The following VPS13C variants were observed in gnomAD, a reference collection of about 807,000 sequenced individuals.
VPS13C encodes the protein intermembrane lipid transfer protein VPS13C.
VPS13C carries 358 observed loss-of-function variants against 456.8 expected under a neutral mutation model. That is an observed-to-expected ratio of 0.78 (90% CI 0.72 to 0.86). The LOEUF is 0.86. VPS13C is among the 40% of genes least tolerant of loss of function. The probability of loss-of-function intolerance (pLI) is 0.00; values close to 1 mark genes in which losing one functional copy is unlikely to be tolerated. For missense variants in VPS13C, 4,818 were observed against 4,385.4 expected, an observed-to-expected ratio of 1.10 and a Z score of -2.79; for synonymous variants, 1,578 against 1,486.7, an observed-to-expected ratio of 1.06 and a Z score of -1.41.
chr15:61,877,033 T>A lies in VPS13C; in HGVS notation c.10164A>T (p.Arg3388=), dbSNP rs149307561. ...GCTGATCTCTCTTGTAGAACTGATA[T>A]CGAATTTCATAATAAGCAAGTCTGG... ...LIFKLAYYEI[R]YQFYKRDQLI... Residue 3388 remains arginine (R), a synonymous_variant, in exon 75 of 85, where the codon CGA becomes CGT. Transcript: ENST00000644861. 6.2e-7 allele frequency: 1 copy of A among 1,608,782 alleles called. No homozygotes were observed. Among genetic ancestry groups the A allele is most frequent in the Non-Finnish European group, 8.5e-7 (1 of 1,177,148 alleles).
Position 61,983,991 on chromosome 15 carries a change from G to A in VPS13C, c.1743C>T (p.His581=). The change falls in exon 20 of 85, where the codon CAC becomes CAT. Residue 581 remains histidine, a synonymous_variant. Coordinates refer to ENST00000644861, the MANE Select transcript of VPS13C (RefSeq NM_020821.3). ...GCTGTCTCAAACCTGTTATATACCA[G>A]TGTTCTAATTTCGCTTCTACCCTAT... is the stretch of plus-strand genomic sequence containing the variant. ...QALKVEAKLE[H]WYITGLRQQD... is the part of the protein sequence containing the mutation. 6.2e-7 allele frequency: 1 copy of A among 1,613,694 alleles called. No homozygotes were observed. The highest frequency in any genetic ancestry group is 8.5e-7 in the Non-Finnish European group (1 of 1,179,840).
chr15:62,038,004 C>G (rs1477278097), intron 3 of VPS13C, among the ~76,000 whole-genome samples: 1 of 151,996 alleles, frequency 6.6e-6, no homozygotes, highest in Non-Finnish European at 1.5e-5. Context: ...AAAGACAAAG[C>G]CTTCCTATAA....
In VPS13C at chr15:61,852,617, T is replaced by G. The variant is rs967512272; in HGVS notation, c.*1840A>C. On this transcript the variant is annotated 3_prime_UTR_variant, in exon 85 of 85. Coordinates refer to ENST00000644861, the MANE Select transcript of VPS13C (RefSeq NM_020821.3). Reference sequence around the variant, plus strand: ...GATTCATATGAAAAATATAATCAGATATCTCAAATTCCTAATTCTGTTTTA... The same window carrying G: ...GATTCATATGAAAAATATAATCAGAGATCTCAAATTCCTAATTCTGTTTTA... 3 of 152,216 alleles carry G rather than the reference T, an allele frequency of 2.0e-5. No individual in the cohort carries two copies. Among genetic ancestry groups the G allele is most frequent in the African/African-American group, 7.2e-5 (3 of 41,464 alleles). 9.4% of individuals were successfully genotyped at this position (152,216 alleles called of 1,614,324 possible). A position where few individuals can be genotyped will look rare whatever the true frequency, so the allele number is the denominator to read the frequency against.
intron 19 of VPS13C, 67 bp from the exon 20 acceptor site, chr15:61,984,079 CA>C: frequency 6.8e-7 from 1 of 1,468,976 alleles, no homozygotes; most frequent in Non-Finnish European, 9.2e-7. Context: ...GACTAAAATA[CA>C]AATTTCCTTT....
Position 61,946,368 on chromosome 15 carries a change from A to G in VPS13C, c.4919T>C (p.Val1640Ala). The change falls in exon 44 of 85, where the codon GTG becomes GCG. Residue 1640 changes from valine (V) to alanine (A), a missense_variant. Physicochemically the swap from Val to Ala is moderately conservative, Grantham distance 64 (BLOSUM62 0). This residue lies in a region of VPS13C where 4,552 missense variants were observed against 4,130.6 expected (regional missense o/e 1.10). Transcript: ENST00000644861. ...TATAATATCTTTAAGTCTGGCAAAC[A>G]CATCAGTCTGCTTAGGCTTCACAGA... The part of the protein sequence containing the change: ...SISVKPKQTD[V>A]FARLKDIIVM... 3 of 1,609,380 alleles carry G rather than the reference A, an allele frequency of 1.9e-6. No homozygotes were observed. The highest frequency in any genetic ancestry group is 2.5e-6 in the Non-Finnish European group (3 of 1,177,984).
intron 67 of VPS13C, among the ~76,000 whole-genome samples, chr15:61,886,392 C>CT (rs1022569173): frequency 6.6e-6 from 1 of 152,084 alleles, no homozygotes; most frequent in East Asian, 1.9e-4. Flanking sequence ...TAAAATGATG[C>CT]TTTTTTTAAT....
At chr15:61,857,119 C>A (rs187978249) in intron 82 of VPS13C, among the ~76,000 whole-genome samples, 2 of 151,958 alleles carry the variant, frequency 1.3e-5, no homozygotes, top group Non-Finnish European at 2.9e-5. Context: ...TTACAGAAAG[C>A]AAAATTACAA....
Position 62,034,951 on chromosome 15 carries a change from A to G in VPS13C, c.283+6T>C. 1 of 1,579,820 alleles carries G rather than the reference A, an allele frequency of 6.3e-7. No homozygotes were observed. Among genetic ancestry groups the G allele is most frequent in the South Asian group, 1.2e-5 (1 of 84,852 alleles). ...TATTGAATGGTTATAACCTAAAATA[A>G]CATACTTGCTCCAGGGACAACAAGC... On this transcript the variant is annotated splice_donor_region_variant and intron_variant, in intron 4 of 84. Transcript: ENST00000644861.
intron 58 of VPS13C, among the ~76,000 whole-genome samples, chr15:61,918,817 G>A (rs984478988): frequency 1.3e-5 from 2 of 151,986 alleles, no homozygotes. Context: ...AAAAATGTTG[G>A]ATAAAACCTT....
chr15:61,963,781 A>G, intron 32 of VPS13C, 54 bp downstream of exon 32: 1 of 1,322,088 alleles, frequency 7.6e-7, no homozygotes, highest in Non-Finnish European at 1.1e-6. Flanking sequence ...AAAGAGACAA[A>G]AAGAAGGAAA....
chr15:61,907,600 C>T (rs1315102227), intron 65 of VPS13C, among the ~76,000 whole-genome samples: 1 of 152,122 alleles, frequency 6.6e-6, no homozygotes, highest in Non-Finnish European at 1.5e-5. Flanking sequence ...CTTTCTGAAG[C>T]TTCAATGCAC....
chr15:61,896,897 G>T (rs919650824), intron 66 of VPS13C, among the ~76,000 whole-genome samples: 2 of 152,204 alleles, frequency 1.3e-5, no homozygotes, highest in Admixed American at 6.5e-5. Context: ...GTATGCAGCT[G>T]GAGATCTGAG....
chr15:61,973,509 T>C lies in VPS13C; in HGVS notation c.2562A>G (p.Ser854=). 1 of 1,612,488 alleles carries C rather than the reference T, an allele frequency of 6.2e-7. No homozygotes were observed. Among genetic ancestry groups the C allele is most frequent in the Non-Finnish European group, 8.5e-7 (1 of 1,178,904 alleles). Residue 854 remains serine, a synonymous_variant, in exon 26 of 85, where the codon TCA becomes TCG. Coordinates refer to ENST00000644861, the MANE Select transcript of VPS13C (RefSeq NM_020821.3). Reference sequence around the variant, plus strand: ...TACCAAGTAGACCTTTTGTACCACCTGAAATAATAGGAATTGAGGATACCT... The same window carrying C: ...TACCAAGTAGACCTTTTGTACCACCCGAAATAATAGGAATTGAGGATACCT... ...ERQVSSIPII[S]GGTKGLLGTS...
chr15:61,902,007 C>A (rs1440085625), intron 66 of VPS13C, among the ~76,000 whole-genome samples: 1 of 150,744 alleles, frequency 6.6e-6, no homozygotes, highest in African/African-American at 2.4e-5. Flanking sequence ...CAAACTATCA[C>A]AAGGACTAAA....
chr15:61,939,107 T>G (rs1217141050), intron 47 of VPS13C, among the ~76,000 whole-genome samples: 1 of 152,194 alleles, frequency 6.6e-6, no homozygotes, highest in East Asian at 1.9e-4. Flanking sequence ...ATACCAAAAT[T>G]TTATCCATGT....
chr15:61,965,952 GTTAT>G, intron 30 of VPS13C, 127 bp downstream of exon 30: 1 of 544,036 alleles, frequency 1.8e-6, no homozygotes, highest in Non-Finnish European at 3.1e-6. Flanking sequence ...TATCGATGAG[GTTAT>G]TTATAACTCT....
At chr15:62,013,546 G>T (rs2047120407) in intron 10 of VPS13C, among the ~76,000 whole-genome samples, 1 of 151,968 alleles carries the variant, frequency 6.6e-6, no homozygotes, top group South Asian at 2.1e-4. Context: ...GAGATTCACA[G>T]TGTTTGTTAA....
chr15:61,936,338 C>T (rs2044225648), intron 48 of VPS13C, among the ~76,000 whole-genome samples: 1 of 152,084 alleles, frequency 6.6e-6, no homozygotes, highest in Admixed American at 6.5e-5. Flanking sequence ...CAAGATACGC[C>T]ACTTCAGTGC....
chr15:62,037,348 TTA>T (rs1432548163), intron 3 of VPS13C, among the ~76,000 whole-genome samples: 1 of 86,108 alleles, frequency 1.2e-5, no homozygotes, highest in African/African-American at 4.4e-5. Context: ...ATATAATATA[TTA>T]TATATAAATG....
Sources: allele counts gnomAD v4.1 joint callset (sites outside exome capture counted in the v4.1 genomes callset), GRCh38; gene constraint gnomAD v4.1.1; regional missense constraint gnomAD v4.1.1; transcripts MANE v1.5; gene names NCBI Gene and HGNC (gene_info 2026-07-23, HGNC 2026-07-21).